LDLRAD4: variants seen among roughly 807,000 people sequenced by gnomAD.
LDLRAD4 encodes the protein low-density lipoprotein receptor class A domain-containing protein 4.
A neutral mutation model predicts 17.0 loss-of-function variants in LDLRAD4; 5 were observed. The observed-to-expected ratio is 0.29, with a 90% CI of 0.15 to 0.62. LDLRAD4 has a LOEUF of 0.62. Ranked by LOEUF, LDLRAD4 falls within the 20% of genes least tolerant of loss-of-function variation. The probability of loss-of-function intolerance (pLI) is 0.84; values close to 1 mark genes in which losing one functional copy is unlikely to be tolerated. For missense variants in LDLRAD4, 340 were observed against 424.7 expected (o/e 0.80, Z 1.75); for synonymous variants, 168 against 171.8 (o/e 0.98, Z 0.17).
chr18:13,388,221 G>A (rs62085677), intron 2 of LDLRAD4, among the ~76,000 whole-genome samples: 2,952 of 152,300 alleles, frequency 0.019, 76 homozygotes, highest in African/African-American at 0.062. Context: ...GGCAGAACTC[G>A]TCTTGCAGTG....
intron 3 of LDLRAD4, among the ~76,000 whole-genome samples, chr18:13,599,702 A>G (rs552372497): frequency 6.6e-6 from 1 of 152,218 alleles, no homozygotes; most frequent in African/African-American, 2.4e-5. Flanking sequence ...CCTGTTAGCC[A>G]GGATGGTCTC....
chr18:13,638,685 A>T (rs1401982940), intron 4 of LDLRAD4, among the ~76,000 whole-genome samples: 2 of 152,250 alleles, frequency 1.3e-5, no homozygotes, highest in Non-Finnish European at 2.9e-5. Flanking sequence ...ATTTGAGAGT[A>T]ACGTAACTTA....
intron 3 of LDLRAD4, among the ~76,000 whole-genome samples, chr18:13,533,686 T>G (rs2094161908): frequency 1.3e-5 from 2 of 152,224 alleles, no homozygotes; most frequent in African/African-American, 4.8e-5. Flanking sequence ...TTTAGGCCTT[T>G]TAAAACATAT....
At chr18:13,531,469 C>G (rs1341119889) in intron 3 of LDLRAD4, among the ~76,000 whole-genome samples, 2 of 151,308 alleles carry the variant, frequency 1.3e-5, no homozygotes, top group Non-Finnish European at 1.5e-5. Flanking sequence ...AAATAGGTAG[C>G]CTCCCAGCTA....
chr18:13,298,493 G>A (rs1167901264), intron 1 of LDLRAD4, among the ~76,000 whole-genome samples: 3 of 144,000 alleles, frequency 2.1e-5, no homozygotes, highest in Admixed American at 6.9e-5. Flanking sequence ...CTCCGGGCAC[G>A]GTGATGGAGC....
intron 1 of LDLRAD4, among the ~76,000 whole-genome samples, chr18:13,329,766 T>C (rs1568014294): frequency 6.6e-6 from 1 of 152,238 alleles, no homozygotes; most frequent in Non-Finnish European, 1.5e-5. Flanking sequence ...CTAATCTGTC[T>C]TTTACTCACT....
intron 3 of LDLRAD4, among the ~76,000 whole-genome samples, chr18:13,537,243 G>T (rs184982688): frequency 6.3e-4 from 96 of 152,268 alleles, no homozygotes; most frequent in Admixed American, 1.0e-3. Flanking sequence ...ACAGAAGGGG[G>T]TAGGTGTACT....
chr18:13,513,604 C>T (rs35785014), intron 3 of LDLRAD4, among the ~76,000 whole-genome samples: 5,265 of 152,264 alleles, frequency 0.035, 117 homozygotes, highest in East Asian at 0.053. Flanking sequence ...CCACCTTCAT[C>T]GTCTTCATCA....
chr18:13,514,285 C>T (rs1165301568), intron 3 of LDLRAD4, among the ~76,000 whole-genome samples: 1 of 152,172 alleles, frequency 6.6e-6, no homozygotes, highest in Non-Finnish European at 1.5e-5. Context: ...TTCCTCCTCT[C>T]TACAATGAGA....
exon 2 of LDLRAD4, chr18:13,387,680 G>A (rs371083799): frequency 2.1e-5 from 33 of 1,604,732 alleles, no homozygotes; most frequent in Admixed American, 3.3e-5. Context: ...TTCCTCGACG[G>A]GACAGCGCAA....
chr18:13,222,186 C>T (rs1170703181), intron 1 of LDLRAD4, among the ~76,000 whole-genome samples: 2 of 152,182 alleles, frequency 1.3e-5, no homozygotes, highest in Non-Finnish European at 2.9e-5. Context: ...TACAACGTCA[C>T]TCCCCCCATC....
chr18:13,647,414 C>T (rs2043055022), exon 6 of LDLRAD4: 1 of 152,122 alleles, frequency 6.6e-6, no homozygotes, highest in Non-Finnish European at 1.5e-5. Flanking sequence ...GGCCTCTTCA[C>T]ATAACAAGAT....
intron 3 of LDLRAD4, among the ~76,000 whole-genome samples, chr18:13,593,696 A>G (rs1009557733): frequency 1.3e-5 from 2 of 152,110 alleles, no homozygotes; most frequent in Non-Finnish European, 2.9e-5. Flanking sequence ...GAACTTACAC[A>G]ATCCTGCCTC....
intron 3 of LDLRAD4, among the ~76,000 whole-genome samples, chr18:13,475,397 G>A (rs571647648): frequency 6.6e-6 from 1 of 151,252 alleles, no homozygotes; most frequent in African/African-American, 2.4e-5. Flanking sequence ...GAGTAGCTGG[G>A]ACTCTGGTGC....
At chr18:13,224,703 AT>A (rs2041671842) in intron 1 of LDLRAD4, among the ~76,000 whole-genome samples, 1 of 150,360 alleles carries the variant, frequency 6.7e-6, no homozygotes, top group Non-Finnish European at 1.5e-5. Flanking sequence ...GATGGTCTTG[AT>A]CTCCTGACCT....
chr18:13,355,499 A>T (rs753581553), intron 1 of LDLRAD4, among the ~76,000 whole-genome samples: 5 of 152,244 alleles, frequency 3.3e-5, no homozygotes, highest in Non-Finnish European at 5.9e-5. Flanking sequence ...GTACATGCTG[A>T]TAGCATTTAG....
Position 13,442,594 on chromosome 18 carries a change from G to A in LDLRAD4, c.181+4210G>A, listed in dbSNP as rs577516332. On this transcript the variant is annotated intron_variant, in intron 3 of 5. Transcript: ENST00000359446. ...GCACCTCCTGCCCTGGTCCTAGGAC[G>A]GGCCACCTGCTGGCCGGCCGGCTGC... Among the ~76,000 whole-genome samples the A allele has an allele frequency of 3.2e-4, 49 of 152,340 alleles. 1 individual carries two copies. Among genetic ancestry groups the A allele is most frequent in the African/African-American group, 1.1e-3 (46 of 41,574 alleles).
intron 1 of LDLRAD4, among the ~76,000 whole-genome samples, chr18:13,253,004 G>A (rs528955433): frequency 3.9e-5 from 6 of 152,328 alleles, no homozygotes; most frequent in East Asian, 3.9e-4. Context: ...CATGGAAACC[G>A]GGGCACTGGG....
intron 4 of LDLRAD4, chr18:13,642,620 C>A (rs368363858): frequency 2.4e-6 from 3 of 1,230,440 alleles, no homozygotes; most frequent in Middle Eastern, 3.1e-4. Context: ...CGCGGACTTG[C>A]GCCTCTGCTG....
Sources: gnomAD v4.1 joint callset for allele counts (sites outside exome capture counted in the v4.1 genomes callset) on GRCh38, gnomAD v4.1.1 for gene constraint, MANE v1.5 for transcripts, NCBI Gene and HGNC (gene_info 2026-07-23, HGNC 2026-07-21) for gene names.